Variants in B3GALT1 observed in about 807,000 individuals in gnomAD.
The protein encoded by B3GALT1 is UDP-Gal:betaGlcNAc beta 1,3-galactosyltransferase, polypeptide 1.
Under a neutral mutation model 23.2 loss-of-function variants are expected in B3GALT1, and 10 were observed. The observed-to-expected ratio is 0.43, with a 90% confidence interval of 0.27 to 0.73. B3GALT1 has a LOEUF of 0.73. B3GALT1 is among the 30% of genes least tolerant of loss of function. B3GALT1 has a pLI of 0.21. For synonymous variants in B3GALT1, 156 were observed against 141.5 expected (o/e 1.10, Z -0.73); for missense variants, 299 against 405.4 (o/e 0.74, Z 2.25).
At chr2:167,344,564 AAG>A (rs1189542419) in intron 1 of B3GALT1, among the ~76,000 whole-genome samples, 1 of 152,258 alleles carries the variant, frequency 6.6e-6, no homozygotes, top group South Asian at 2.1e-4. Context: ...AGTAGAAAAA[AAG>A]AGAGATTGTG....
intron 3 of B3GALT1, among the ~76,000 whole-genome samples, chr2:167,747,851 A>G (rs1271937170): frequency 2.6e-5 from 4 of 152,216 alleles, no homozygotes; most frequent in Admixed American, 2.6e-4. Flanking sequence ...TTCAAAACAA[A>G]TGTGTAATTC....
At chr2:167,699,559 C>G (rs1237482370) in intron 3 of B3GALT1, among the ~76,000 whole-genome samples, 3 of 151,704 alleles carry the variant, frequency 2.0e-5, no homozygotes, top group Non-Finnish European at 2.9e-5. Flanking sequence ...TATTTAGTCT[C>G]CTACAATTTT....
rs539643724 is a variant in B3GALT1, at chr2:167,809,602, A to G, written c.-351-9070A>G. Among the ~76,000 whole-genome samples the G allele has an allele frequency of 2.0e-5, 3 of 152,268 alleles. No individual in the cohort carries two copies. The South Asian group carries it at 6.2e-4, about 32-fold the overall frequency. On this transcript the variant is annotated intron_variant, in intron 3 of 4. Transcript: ENST00000392690. ...CAGCAGAGGCTGCAGAACAGTGGAT[A>G]TTGGTGAACAGCAGATGTTGCTGCC...
At chr2:167,531,625 T>C (rs887442091) in intron 2 of B3GALT1, among the ~76,000 whole-genome samples, 1 of 152,168 alleles carries the variant, frequency 6.6e-6, no homozygotes, top group African/African-American at 2.4e-5. Context: ...AGTAAAACAC[T>C]GTGATGCCAC....
chr2:167,761,725 A>G (rs916858673), intron 3 of B3GALT1, among the ~76,000 whole-genome samples: 2 of 152,224 alleles, frequency 1.3e-5, no homozygotes, highest in Non-Finnish European at 2.9e-5. Flanking sequence ...AAAGCTGTGA[A>G]GTTCACCGTG....
intron 1 of B3GALT1, among the ~76,000 whole-genome samples, chr2:167,472,491 C>A (rs553314253): frequency 6.6e-6 from 1 of 152,226 alleles, no homozygotes; most frequent in South Asian, 2.1e-4. Flanking sequence ...CCCCTTGAGT[C>A]CAGTGGATCC....
intron 3 of B3GALT1, among the ~76,000 whole-genome samples, chr2:167,768,634 C>T (rs1403688966): frequency 2.6e-5 from 4 of 152,170 alleles, no homozygotes; most frequent in Non-Finnish European, 5.9e-5. Flanking sequence ...CTCAAACTGA[C>T]ATCTAGAAAA....
At chr2:167,788,967 G>T (rs553782632) in intron 3 of B3GALT1, among the ~76,000 whole-genome samples, 1 of 152,272 alleles carries the variant, frequency 6.6e-6, no homozygotes, top group Admixed American at 6.5e-5. Context: ...CAGAGGGTCA[G>T]TGGTCCCTTG....
intron 2 of B3GALT1, among the ~76,000 whole-genome samples, chr2:167,561,246 T>C (rs537864357): frequency 6.6e-6 from 1 of 152,192 alleles, no homozygotes. Context: ...AAGATGTTCT[T>C]TATGTACCAA....
chr2:167,520,310 AT>A (rs35629786), intron 2 of B3GALT1, among the ~76,000 whole-genome samples: 83,991 of 151,816 alleles, frequency 0.55, 26,255 homozygotes, highest in East Asian at 0.99. Flanking sequence ...CCCTTTATAC[AT>A]TTTTTTAAGA....
intron 3 of B3GALT1, among the ~76,000 whole-genome samples, chr2:167,771,772 T>C (rs1040519947): frequency 2.0e-5 from 3 of 152,142 alleles, no homozygotes; most frequent in African/African-American, 7.2e-5. Context: ...ACCCTTCTAC[T>C]ATGCAAAAGT....
chr2:167,379,171 A>G (rs555352229), intron 1 of B3GALT1, among the ~76,000 whole-genome samples: 137 of 152,262 alleles, frequency 9.0e-4, no homozygotes, highest in African/African-American at 3.2e-3. Flanking sequence ...ATAAGGGGGC[A>G]GGAAGGAGAA....
chr2:167,517,834 A>G (rs1700128015), intron 2 of B3GALT1, among the ~76,000 whole-genome samples: 1 of 152,120 alleles, frequency 6.6e-6, no homozygotes, highest in Non-Finnish European at 1.5e-5. Flanking sequence ...AGGTGTTTCC[A>G]TAAATTAATC....
chr2:167,732,598 C>T (rs922541131), intron 3 of B3GALT1, among the ~76,000 whole-genome samples: 1 of 152,118 alleles, frequency 6.6e-6, no homozygotes, highest in Non-Finnish European at 1.5e-5. Flanking sequence ...CAGCATGGAA[C>T]CAAAACAATG....
At chr2:167,714,679 A>G in intron 3 of B3GALT1, 1 of 1,613,902 alleles carries the variant, frequency 6.2e-7, no homozygotes, top group South Asian at 1.1e-5. Context: ...CCAACCAATT[A>G]TTATGTCCTT....
intron 2 of B3GALT1, among the ~76,000 whole-genome samples, chr2:167,522,810 A>G (rs979203515): frequency 1.2e-4 from 18 of 152,172 alleles, no homozygotes; most frequent in African/African-American, 3.4e-4. Flanking sequence ...ATGTTTTTCA[A>G]TGAAAGAATG....
intron 4 of B3GALT1, among the ~76,000 whole-genome samples, chr2:167,868,508 T>A (rs957476534): frequency 1.5e-5 from 2 of 131,110 alleles, no homozygotes; most frequent in African/African-American, 2.9e-5. Context: ...AAAAAAAAAA[T>A]ACGTCATGTG....
chr2:167,533,361 G>A (rs1474298834), intron 2 of B3GALT1, among the ~76,000 whole-genome samples: 1 of 151,580 alleles, frequency 6.6e-6, no homozygotes, highest in Non-Finnish European at 1.5e-5. Context: ...TTATAAGTGA[G>A]TATCGACACA....
At chr2:167,429,751 T>C (rs1044740539) in intron 1 of B3GALT1, among the ~76,000 whole-genome samples, 9 of 152,204 alleles carry the variant, frequency 5.9e-5, no homozygotes, top group Non-Finnish European at 1.2e-4. Context: ...TCAGTTTCCC[T>C]TTCTGAAGAA....
Sources: gnomAD v4.1 joint callset for allele counts (sites outside exome capture counted in the v4.1 genomes callset) on GRCh38, gnomAD v4.1.1 for gene constraint, MANE v1.5 for transcripts, NCBI Gene and HGNC (gene_info 2026-07-23, HGNC 2026-07-21) for gene names.